The following MAD1L1 variants were observed in gnomAD, a reference collection of about 807,000 sequenced individuals.
The protein encoded by MAD1L1 is mitotic arrest deficient 1 like 1.
In MAD1L1, 95 loss-of-function variants were observed where a neutral mutation model predicts 96.9. That is an observed-to-expected ratio of 0.98 (90% CI 0.83 to 1.16). The LOEUF (loss-of-function observed/expected upper bound fraction) is 1.16. MAD1L1 is among the 50% of genes most tolerant of loss of function. MAD1L1 has a pLI of 0.00. For missense variants in MAD1L1, 1,007 were observed against 954.4 expected (o/e 1.06, Z -0.73); for synonymous variants, 473 against 396.6 (o/e 1.19, Z -2.29).
rs868285029 is a variant in MAD1L1, at chr7:1,905,268, G to A, written c.1808-6878C>T. Among the ~76,000 whole-genome samples the A allele has an allele frequency of 3.1e-5, 3 of 97,244 alleles. 1 individual carries two copies. Among genetic ancestry groups the A allele is most frequent in the Admixed American group, 1.1e-4 (1 of 8,816 alleles). The allele number at this position is 97,244 out of a possible 152,430, so 63.8% of individuals were successfully genotyped here. On this transcript the variant is annotated intron_variant, in intron 17 of 18. Coordinates refer to ENST00000265854, the MANE Select transcript of MAD1L1 (RefSeq NM_001013836.2). The stretch of plus-strand genomic sequence containing the variant: ...GAGGACGCAGTGGCCTACGGAAGAC[G>A]CTCTTGCGGAACTCATGATTGATAA...
At chr7:2,015,823 C>G (rs557809071) in intron 12 of MAD1L1, among the ~76,000 whole-genome samples, 2 of 152,210 alleles carry the variant, frequency 1.3e-5, no homozygotes, top group Non-Finnish European at 2.9e-5. Context: ...ATGCCCTGGA[C>G]GTAGATTCAG....
At chr7:2,033,166 G>C (rs1257336667) in intron 12 of MAD1L1, among the ~76,000 whole-genome samples, 1 of 152,254 alleles carries the variant, frequency 6.6e-6, no homozygotes, top group African/African-American at 2.4e-5. Context: ...CAGGCCCTGT[G>C]CTGGCCAGGA....
At chr7:2,047,037 C>T (rs6950627) in intron 12 of MAD1L1, among the ~76,000 whole-genome samples, 51,004 of 152,126 alleles carry the variant, frequency 0.34, 8,915 homozygotes, top group East Asian at 0.51. Flanking sequence ...TGCCAGCTCC[C>T]GGGTTGAACT....
intron 14 of MAD1L1, among the ~76,000 whole-genome samples, chr7:1,985,566 T>C (rs1317250074): frequency 2.6e-5 from 4 of 152,272 alleles, no homozygotes; most frequent in Non-Finnish European, 5.9e-5. Context: ...GGTGTGTCTG[T>C]GTCTTCGGCT....
At chr7:1,817,864 C>CGCGG (rs1210533280) in intron 18 of MAD1L1, among the ~76,000 whole-genome samples, 2 of 151,954 alleles carry the variant, frequency 1.3e-5, no homozygotes, top group East Asian at 3.9e-4. Flanking sequence ...CTGGGCTGGG[C>CGCGG]CCCGCCCTGA....
intron 11 of MAD1L1, among the ~76,000 whole-genome samples, chr7:2,082,031 C>T (rs1785679335): frequency 6.6e-6 from 1 of 152,140 alleles, no homozygotes; most frequent in Non-Finnish European, 1.5e-5. Context: ...TGAAGTCTGG[C>T]CACACTGAAG....
chr7:1,954,928 T>C (rs1035149252), intron 16 of MAD1L1, among the ~76,000 whole-genome samples: 1 of 151,752 alleles, frequency 6.6e-6, no homozygotes. Flanking sequence ...CCCTAATGAG[T>C]GTGTGGACAG....
intron 18 of MAD1L1, among the ~76,000 whole-genome samples, chr7:1,857,315 A>G (rs1483466198): frequency 6.6e-6 from 1 of 152,084 alleles, no homozygotes; most frequent in Non-Finnish European, 1.5e-5. Flanking sequence ...AGGGCCCCTG[A>G]AACCCGCCTT....
chr7:2,014,503 T>C lies in MAD1L1; in HGVS notation c.1358A>G (p.Glu453Gly). 1.3e-6 allele frequency: 2 copies of C among 1,578,690 alleles called. No homozygotes were observed. The highest frequency in any genetic ancestry group is 2.3e-5 in the East Asian group (1 of 43,402). ...AGCCCCACGCCCGCGGCCCCTCACCTCCATCTCGGCGCTGTGGCTGTGCAC... is the reference window on the plus strand; with the variant it reads ...AGCCCCACGCCCGCGGCCCCTCACCCCCATCTCGGCGCTGTGGCTGTGCAC... ...QKVHSHSAEMEAQLSQALEEL... is the reference protein window; with the variant it reads ...QKVHSHSAEMGAQLSQALEEL... The change falls in exon 13 of 19, where the codon GAG (glutamate) becomes GGG (glycine). Residue 453 changes from glutamate (E) to glycine (G), a missense_variant and splice_region_variant. Transcript: ENST00000265854.
chr7:2,049,568 G>A (rs561782600), intron 12 of MAD1L1, among the ~76,000 whole-genome samples: 14 of 152,350 alleles, frequency 9.2e-5, no homozygotes, highest in Non-Finnish European at 1.8e-4. Flanking sequence ...GTCCGCCCAG[G>A]GGCCTCCTGC....
intron 12 of MAD1L1, among the ~76,000 whole-genome samples, chr7:2,038,483 T>C (rs187458518): frequency 5.2e-4 from 76 of 144,790 alleles, no homozygotes; most frequent in African/African-American, 1.9e-3. Flanking sequence ...TGTTAGGAGA[T>C]AATGAAGCTG....
At chr7:1,883,376 GC>G (rs961761614) in intron 18 of MAD1L1, among the ~76,000 whole-genome samples, 8 of 152,284 alleles carry the variant, frequency 5.3e-5, no homozygotes, top group Admixed American at 2.0e-4. Flanking sequence ...CTCACAAACG[GC>G]CCCGGGGATG....
intron 16 of MAD1L1, among the ~76,000 whole-genome samples, chr7:1,952,314 T>C (rs899787985): frequency 2.0e-5 from 3 of 152,116 alleles, no homozygotes; most frequent in African/African-American, 7.2e-5. Flanking sequence ...CGACTCAGCC[T>C]CCCCGGCGGC....
chr7:1,978,653 G>A lies in MAD1L1; in HGVS notation c.1505+1800C>T, dbSNP rs144996800. On this transcript the variant is annotated intron_variant, in intron 15 of 18. Transcript: ENST00000265854. Reference sequence around the variant, plus strand: ...ACACAGCCCCCAACCCCATCAACCCGAAGACCACACGCAGACGCACTTCCA... The same window carrying A: ...ACACAGCCCCCAACCCCATCAACCCAAAGACCACACGCAGACGCACTTCCA... Among the ~76,000 whole-genome samples the A allele has an allele frequency of 1.6e-3, 237 of 150,680 alleles. 1 individual carries two copies. Among genetic ancestry groups the A allele is most frequent in the Middle Eastern group, 3.4e-3 (1 of 294 alleles).
intron 12 of MAD1L1, among the ~76,000 whole-genome samples, chr7:2,056,864 G>A (rs1784408638): frequency 1.3e-5 from 2 of 152,172 alleles, no homozygotes; most frequent in South Asian, 2.1e-4. Flanking sequence ...GACCACCTAC[G>A]GCATTGCCAC....
intron 18 of MAD1L1, among the ~76,000 whole-genome samples, chr7:1,827,231 G>C (rs1355905813): frequency 6.6e-6 from 1 of 152,254 alleles, no homozygotes; most frequent in Non-Finnish European, 1.5e-5. Flanking sequence ...CTGAGTGTGG[G>C]TTAAAAGACA....
chr7:2,172,115 C>T (rs533829580), intron 10 of MAD1L1, among the ~76,000 whole-genome samples: 1 of 152,256 alleles, frequency 6.6e-6, no homozygotes, highest in African/African-American at 2.4e-5. Context: ...AGTGCCCCCA[C>T]CTCAAAGGGT....
chr7:1,961,225 G>C (rs1220409235), intron 15 of MAD1L1, among the ~76,000 whole-genome samples: 2 of 152,194 alleles, frequency 1.3e-5, no homozygotes, highest in African/African-American at 4.8e-5. Context: ...AATCCCACAG[G>C]CTTCTTTGTA....
At chr7:2,122,771 G>A (rs1227856259) in intron 11 of MAD1L1, among the ~76,000 whole-genome samples, 2 of 152,230 alleles carry the variant, frequency 1.3e-5, no homozygotes, top group Admixed American at 6.5e-5. Flanking sequence ...AGGTGCACGG[G>A]TGAAGGGTTG....
Sources: gnomAD v4.1 joint callset for allele counts (sites outside exome capture counted in the v4.1 genomes callset) on GRCh38, gnomAD v4.1.1 for gene constraint, MANE v1.5 for transcripts, NCBI Gene and HGNC (gene_info 2026-07-23, HGNC 2026-07-21) for gene names.